SLA: variants seen among roughly 807,000 people sequenced by gnomAD.
SLA encodes the protein Src like adaptor.
SLA carries 16 observed loss-of-function variants against 30.3 expected under a neutral mutation model. That is an observed-to-expected ratio of 0.53 (90% CI 0.36 to 0.80). SLA has a LOEUF of 0.80. Among genes scored for constraint, SLA ranks in the 30% least tolerant of loss-of-function variants. The pLI, the probability that SLA is intolerant of heterozygous loss-of-function variation, is 0.01. For missense variants in SLA, 310 were observed against 345.2 expected, an observed-to-expected ratio of 0.90 and a Z score of 0.81; for synonymous variants, 143 against 137.8, an observed-to-expected ratio of 1.04 and a Z score of -0.26.
rs1048210300 is a variant in SLA at position 133,102,540 on chromosome 8, G to A, written c.-319+13C>T. 6.4e-7 allele frequency: 1 copy of A among 1,551,414 alleles called. No homozygotes were observed. On this transcript the variant is annotated intron_variant, in intron 1 of 8. Coordinates refer to ENST00000338087, the MANE Select transcript of SLA (RefSeq NM_001045556.3). ...CCCAGGGGGTCCCAATGACAGCAAA[G>A]TTAGCAACCTACCGGTGGAGCATCA...
chr8:133,086,770 G>C (rs1846633106), intron 1 of SLA, among the ~76,000 whole-genome samples: 1 of 152,092 alleles, frequency 6.6e-6, no homozygotes, highest in Admixed American at 6.5e-5. Flanking sequence ...ACAATCCTAT[G>C]GGGAAGCTCT....
At chr8:133,096,217 G>C (rs1384972518) in intron 1 of SLA, 2 of 1,614,244 alleles carry the variant, frequency 1.2e-6, no homozygotes, top group South Asian at 2.2e-5. Flanking sequence ...TCCTGGCCGT[G>C]AGTGGCCCTT....
At chr8:133,059,283 T>C in intron 3 of SLA, 4 of 373,412 alleles carry the variant, frequency 1.1e-5, no homozygotes, top group South Asian at 7.8e-5. Context: ...TCCCTAACCG[T>C]CCCTTTCCCA....
At chr8:133,043,479 ATG>A (rs1334538294) in intron 7 of SLA, among the ~76,000 whole-genome samples, 1 of 152,170 alleles carries the variant, frequency 6.6e-6, no homozygotes, top group Admixed American at 6.5e-5. Flanking sequence ...CACAAGTAAT[ATG>A]TGTTATCATT....
At chr8:133,051,118 A>T (rs1225284315) in intron 3 of SLA, among the ~76,000 whole-genome samples, 1 of 152,166 alleles carries the variant, frequency 6.6e-6, no homozygotes, top group Admixed American at 6.5e-5. Flanking sequence ...GGGTCAGGTG[A>T]CATGCTCCTA....
chr8:133,054,827 T>C (rs910141275), intron 3 of SLA, among the ~76,000 whole-genome samples: 1 of 152,212 alleles, frequency 6.6e-6, no homozygotes, highest in African/African-American at 2.4e-5. Context: ...AGGCAGGCCT[T>C]ACGGGACTTA....
chr8:133,070,029 A>AAAAAAAAAAAAAAAAAAAAAAAAAAAC (rs376711807), intron 2 of SLA, among the ~76,000 whole-genome samples: 1 of 109,812 alleles, frequency 9.1e-6, no homozygotes, highest in African/African-American at 3.9e-5. Flanking sequence ...AAAAAAAAGA[A>AAAAAAAAAAAAAAAAAAAAAAAAAAAC]AGAAAGAAAG....
intron 1 of SLA, among the ~76,000 whole-genome samples, chr8:133,083,070 A>G (rs927783004): frequency 6.6e-6 from 1 of 152,198 alleles, no homozygotes; most frequent in Non-Finnish European, 1.5e-5. Flanking sequence ...TTGCTATAGA[A>G]ATAGTTCTGG....
intron 6 of SLA, chr8:133,047,563 T>A: frequency 2.0e-6 from 1 of 495,194 alleles, no homozygotes; most frequent in Non-Finnish European, 3.7e-6. Context: ...TGTTCTCAGT[T>A]GCTGGAAAAA....
intron 1 of SLA, among the ~76,000 whole-genome samples, chr8:133,083,017 G>A (rs1009123174): frequency 9.2e-5 from 14 of 152,334 alleles, no homozygotes; most frequent in African/African-American, 2.4e-4. Context: ...ACTTAGTGGC[G>A]TGGGGCAGAC....
Position 133,040,116 on chromosome 8 carries a change from G to T in SLA, c.499C>A (p.Leu167Met). The stretch of plus-strand genomic sequence containing the variant: ...CAGGGCGTGGTGAGCACACAGCACA[G>T]GCCATCAGCCACCTCTGAGGAGGGA... The part of the protein sequence containing the change: ...VNHYSEVADG[L>M]CCVLTTPCLT... The change falls in exon 8 of 9, where the codon CTG becomes ATG. Residue 167 changes from leucine to methionine, a missense_variant. Transcript: ENST00000338087. The T allele has an allele frequency of 6.3e-7, 1 of 1,576,726 alleles. No homozygotes were observed. The highest frequency in any genetic ancestry group is 2.3e-5 in the East Asian group (1 of 43,142).
At chr8:133,040,912 G>A (rs1167477786) in intron 7 of SLA, among the ~76,000 whole-genome samples, 5 of 152,158 alleles carry the variant, frequency 3.3e-5, no homozygotes, top group Admixed American at 1.3e-4. Context: ...AAATAAACCC[G>A]TTTCTTTTTT....
At position 133,097,738 on chromosome 8, in the gene SLA, G is replaced by T. The variant is rs182069541; in HGVS notation, c.-319+4815C>A. Among the ~76,000 whole-genome samples, 56 of 152,274 alleles carry T rather than the reference G, an allele frequency of 3.7e-4. 1 individual carries two copies. In the East Asian group the frequency reaches 9.6e-3, roughly 26 times the overall value. ...TCTGGAGATGTAGAGATGTGAGAAAGAATATTATGCATTATTACTATTGCT... is the reference window on the plus strand; with the variant it reads ...TCTGGAGATGTAGAGATGTGAGAAATAATATTATGCATTATTACTATTGCT... On this transcript the variant is annotated intron_variant, in intron 1 of 8. Coordinates refer to ENST00000338087, the MANE Select transcript of SLA (RefSeq NM_001045556.3).
At chr8:133,082,876 A>G (rs1845969019) in intron 1 of SLA, among the ~76,000 whole-genome samples, 1 of 152,192 alleles carries the variant, frequency 6.6e-6, no homozygotes. Context: ...GCTGATAGCA[A>G]TTTGCCAAAG....
chr8:133,081,121 C>T (rs1845679090), intron 1 of SLA, among the ~76,000 whole-genome samples: 1 of 152,252 alleles, frequency 6.6e-6, no homozygotes, highest in Non-Finnish European at 1.5e-5. Context: ...TGTGTACAGC[C>T]CACCTGGTCT....
At chr8:133,060,810 A>G (rs1212817243) in intron 2 of SLA, among the ~76,000 whole-genome samples, 4 of 152,198 alleles carry the variant, frequency 2.6e-5, no homozygotes, top group African/African-American at 9.6e-5. Flanking sequence ...GCTTAAGCCC[A>G]TTGTGCAGTG....
In SLA at chr8:133,049,897, C is replaced by G; in HGVS notation, c.248+5G>C. 1 of 1,581,128 alleles carries G rather than the reference C, an allele frequency of 6.3e-7. No homozygotes were observed. The highest frequency in any genetic ancestry group is 8.7e-7 in the Non-Finnish European group (1 of 1,149,862). On this transcript the variant is annotated splice_donor_5th_base_variant and intron_variant, in intron 5 of 8. Coordinates refer to ENST00000338087, the MANE Select transcript of SLA (RefSeq NM_001045556.3). ...TAATTGCTGCCATTTGAGAAATGTA[C>G]TCACCCATGGTAAACTCTGGCCACA...
chr8:133,079,476 C>T lies in SLA; in HGVS notation c.-318-4346G>A, dbSNP rs572794440. 1.4e-4 allele frequency among the ~76,000 whole-genome samples: 22 copies of T among 152,162 alleles called. 1 individual carries two copies. The South Asian group carries it at 4.6e-3, about 32-fold the overall frequency. ...GGAGCCAGTTGTTATATTTCTCCAA[C>T]ATGTGTTGATGGGTTTCCCAGGGGA... On this transcript the variant is annotated intron_variant, in intron 1 of 8. Transcript: ENST00000338087.
At chr8:133,073,480 G>A (rs536784368) in intron 2 of SLA, among the ~76,000 whole-genome samples, 17 of 151,938 alleles carry the variant, frequency 1.1e-4, no homozygotes, top group East Asian at 3.9e-4. Flanking sequence ...ATCCTGTCTC[G>A]CCTCCCGAGT....
Sources: allele counts gnomAD v4.1 joint callset (sites outside exome capture counted in the v4.1 genomes callset), GRCh38; gene constraint gnomAD v4.1.1; transcripts MANE v1.5; gene names NCBI Gene and HGNC (gene_info 2026-07-23, HGNC 2026-07-21).